The following EXOC1 variants were observed in gnomAD, a reference collection of about 807,000 sequenced individuals.
EXOC1 encodes the protein exocyst complex component 1.
In EXOC1, 67 loss-of-function variants were observed where a neutral mutation model predicts 107.7. That is an observed-to-expected ratio of 0.62 (90% confidence interval 0.51 to 0.76). The LOEUF (loss-of-function observed/expected upper bound fraction) is 0.76. EXOC1 is among the 30% of genes least tolerant of loss of function. The pLI, the probability that EXOC1 is intolerant of heterozygous loss-of-function variation, is 0.00. For synonymous variants in EXOC1, 348 were observed against 353.5 expected (o/e 0.98, Z 0.17); for missense variants, 833 against 1,055.7 (o/e 0.79, Z 2.92).
intron 9 of EXOC1, chr4:55,883,163 A>C (rs1328874954): frequency 6.6e-6 from 1 of 152,148 alleles, no homozygotes; most frequent in African/African-American, 2.4e-5. Context: ...GTTCTTATGG[A>C]AAATAACCTA....
At chr4:55,886,719 T>C (rs1723926273) in intron 10 of EXOC1, among the ~76,000 whole-genome samples, 1 of 152,240 alleles carries the variant, frequency 6.6e-6, no homozygotes, top group Non-Finnish European at 1.5e-5. Flanking sequence ...AAATTAATTT[T>C]GCTTTTTGCT....
rs986353673 is a variant in EXOC1, at chr4:55,888,674, A to G, written c.1331-214A>G. The G allele has an allele frequency of 9.4e-6, 5 of 533,248 alleles. No homozygotes were observed. In the African/African-American group the frequency reaches 9.6e-5, roughly 10 times the overall value. The allele number at this position is 533,248 out of a possible 1,614,324, so 33.0% of individuals were successfully genotyped here. A position where few individuals can be genotyped will look rare whatever the true frequency, so the allele number is the denominator to read the frequency against. On this transcript the variant is annotated intron_variant, in intron 10 of 18. Transcript: ENST00000381295. ...CTACCTGAATATTTGAGTAAAAACAATACATTAAAAGTAAAGTTTTTTCTC... is the reference window on the plus strand; with the variant it reads ...CTACCTGAATATTTGAGTAAAAACAGTACATTAAAAGTAAAGTTTTTTCTC...
rs551322686 is a variant in EXOC1 at position 55,858,565 on chromosome 4, A to T, written c.124+118A>T. 6.7e-5 allele frequency: 75 copies of T among 1,127,682 alleles called. 1 individual carries two copies. The highest frequency in any genetic ancestry group is 8.6e-5 in the Non-Finnish European group (72 of 835,794). 69.9% of individuals were successfully genotyped at this position (1,127,682 alleles called of 1,614,324 possible). ...TAATTGGAAAAATTGTTGGGTCAAC[A>T]CATTCCTAGTTAACACTTGGCTTTG... On this transcript the variant is annotated intron_variant, in intron 2 of 18. Coordinates refer to ENST00000381295, the MANE Select transcript of EXOC1 (RefSeq NM_001024924.2).
At chr4:55,904,287 A>T (rs1726367860) in intron 18 of EXOC1, 56 bp from the exon 19 acceptor site, 1 of 1,491,690 alleles carries the variant, frequency 6.7e-7, no homozygotes. Flanking sequence ...ATTTCTGCAT[A>T]CTAGATTACA....
intron 3 of EXOC1, among the ~76,000 whole-genome samples, chr4:55,860,931 GCCA>G (rs1721415195): frequency 1.3e-5 from 2 of 149,698 alleles, no homozygotes; most frequent in Admixed American, 6.6e-5. Context: ...GCCTTTTGAG[GCCA>G]CCATGGCTTT....
intron 18 of EXOC1, 122 bp downstream of exon 18, chr4:55,902,660 C>A: frequency 1.6e-6 from 1 of 642,600 alleles, no homozygotes. Context: ...GAGTACAGAC[C>A]AGATTAATGA....
intron 1 of EXOC1, among the ~76,000 whole-genome samples, chr4:55,855,835 T>G (rs993580021): frequency 6.6e-6 from 1 of 152,188 alleles, no homozygotes; most frequent in Non-Finnish European, 1.5e-5. Context: ...TAACATAGTG[T>G]CTGGGCCCTA....
Position 55,884,870 on chromosome 4 carries a change from G to T in EXOC1, c.1330+942G>T, listed in dbSNP as rs146393157. Among the ~76,000 whole-genome samples, 190 of 152,278 alleles carry T rather than the reference G, an allele frequency of 1.2e-3. 1 individual carries two copies. The highest frequency in any genetic ancestry group is 4.2e-3 in the African/African-American group (173 of 41,574). ...TAGGACAGAGAAGACTGTCATTAATGGGTAATTATTCTGTAACTCACTGTT... is the reference window on the plus strand; with the variant it reads ...TAGGACAGAGAAGACTGTCATTAATTGGTAATTATTCTGTAACTCACTGTT... On this transcript the variant is annotated intron_variant, in intron 10 of 18. Coordinates refer to ENST00000381295, the MANE Select transcript of EXOC1 (RefSeq NM_001024924.2).
intron 5 of EXOC1, 149 bp downstream of exon 5, chr4:55,868,672 T>G (rs1159951195): frequency 1.8e-6 from 1 of 556,114 alleles, no homozygotes; most frequent in East Asian, 3.2e-5. Flanking sequence ...GCCATCAGTC[T>G]TTTACTGTTC....
chr4:55,866,955 G>A (rs776908408), intron 4 of EXOC1: 4 of 917,896 alleles, frequency 4.4e-6, no homozygotes, highest in Admixed American at 6.2e-5. Flanking sequence ...GTTATATACC[G>A]TTGGTTGTAT....
Position 55,893,620 on chromosome 4 carries a change from T to C in EXOC1, c.1793T>C (p.Ile598Thr), listed in dbSNP as rs1258879061. The part of the protein sequence containing the change: ...RCIEPELNNL[I>T]ALGDKIDSFN... ...ATTGAGCCAGAGCTGAACAACCTAATTGCATTAGGAGACAAAATTGATAGC... is the reference window on the plus strand; with the variant it reads ...ATTGAGCCAGAGCTGAACAACCTAACTGCATTAGGAGACAAAATTGATAGC... The change falls in exon 15 of 19, where the codon ATT (isoleucine) becomes ACT (threonine). Residue 598 changes from isoleucine to threonine, a missense_variant. Ile to Thr is a moderately conservative substitution (Grantham distance 89). This residue lies in a region of EXOC1 where 216 missense variants were observed against 354.4 expected (regional missense o/e 0.61). Coordinates refer to ENST00000381295, the MANE Select transcript of EXOC1 (RefSeq NM_001024924.2). 3.1e-6 allele frequency: 5 copies of C among 1,613,924 alleles called. No homozygotes were observed. The Admixed American group carries it at 6.7e-5, about 22-fold the overall frequency.
rs1206876606 is a variant in EXOC1 at position 55,864,310 on chromosome 4, A to G, written c.339A>G (p.Ser113=). 3.1e-6 allele frequency: 5 copies of G among 1,611,182 alleles called. No homozygotes were observed. Among genetic ancestry groups the G allele is most frequent in the South Asian group, 2.2e-5 (2 of 90,114 alleles). The change falls in exon 4 of 19, where the codon TCA becomes TCG. Residue 113 remains serine (S), a synonymous_variant. Coordinates refer to ENST00000381295, the MANE Select transcript of EXOC1 (RefSeq NM_001024924.2). The part of the protein sequence containing the change: ...SSTAEKNAFI[S]CIWKLNQRYL... Reference sequence around the variant, plus strand: ...CTGCTGAAAAGAATGCATTTATTTCATGCATTTGGAAATTGAATCAGCGAT... The same window carrying G: ...CTGCTGAAAAGAATGCATTTATTTCGTGCATTTGGAAATTGAATCAGCGAT...
At chr4:55,898,266 TAATA>T (rs1292717708) in intron 16 of EXOC1, among the ~76,000 whole-genome samples, 2 of 152,106 alleles carry the variant, frequency 1.3e-5, no homozygotes, top group Non-Finnish European at 1.5e-5. Flanking sequence ...TAAAAATAAA[TAATA>T]AATGAATGAA....
chr4:55,888,821 G>T, intron 10 of EXOC1, 67 bp from the exon 11 acceptor site: 1 of 1,519,426 alleles, frequency 6.6e-7, no homozygotes, highest in Non-Finnish European at 9.1e-7. Flanking sequence ...TCTTGTGCAT[G>T]GTTTGTGCAA....
intron 9 of EXOC1, chr4:55,883,575 G>T: frequency 3.3e-6 from 1 of 302,442 alleles, no homozygotes; most frequent in South Asian, 5.1e-5. Flanking sequence ...ATATGCAAAA[G>T]GTAATATAGA....
At chr4:55,857,673 C>T (rs1198505647) in intron 1 of EXOC1, among the ~76,000 whole-genome samples, 3 of 152,092 alleles carry the variant, frequency 2.0e-5, no homozygotes, top group Non-Finnish European at 4.4e-5. Flanking sequence ...TAAGGTAGCC[C>T]ATGTTTCACT....
intron 10 of EXOC1, 21 bp from the exon 11 acceptor site, chr4:55,888,867 T>C: frequency 6.2e-7 from 1 of 1,613,404 alleles, no homozygotes; most frequent in African/African-American, 1.3e-5. Flanking sequence ...TCTTTGATGC[T>C]TGCAACCTAA....
chr4:55,882,380 T>C lies in EXOC1; in HGVS notation c.1225-1443T>C, dbSNP rs531604776. Among the ~76,000 whole-genome samples the C allele has an allele frequency of 2.6e-5, 4 of 152,306 alleles. No homozygotes were observed. In the South Asian group the frequency reaches 8.3e-4, roughly 32 times the overall value. Reference sequence around the variant, plus strand: ...GCATCATAGAGTTTTGGAGAGACACTGATACAGTAAAACCTTCCTGTGGTC... The same window carrying C: ...GCATCATAGAGTTTTGGAGAGACACCGATACAGTAAAACCTTCCTGTGGTC... On this transcript the variant is annotated intron_variant, in intron 9 of 18. Coordinates refer to ENST00000381295, the MANE Select transcript of EXOC1 (RefSeq NM_001024924.2).
chr4:55,893,709 C>G lies in EXOC1; in HGVS notation c.1882C>G (p.Pro628Ala), dbSNP rs753826603. Reference sequence around the variant, plus strand: ...TGTGTGGACTGCACAAAATGTGGACCCTGCTTCTTTCCTAAGTACTACATT... The same window carrying G: ...TGTGTGGACTGCACAAAATGTGGACGCTGCTTCTTTCCTAAGTACTACATT... Reference protein sequence around the residue: ...HHVWTAQNVDPASFLSTTLGN... With the variant: ...HHVWTAQNVDAASFLSTTLGN... Residue 628 changes from proline to alanine, a missense_variant, in exon 15 of 19, where the codon CCT becomes GCT. This residue lies in a region of EXOC1 where 216 missense variants were observed against 354.4 expected (regional missense o/e 0.61). Coordinates refer to ENST00000381295, the MANE Select transcript of EXOC1 (RefSeq NM_001024924.2). 1 of 1,614,040 alleles carries G rather than the reference C, an allele frequency of 6.2e-7. No individual in the cohort carries two copies. The highest frequency in any genetic ancestry group is 1.3e-5 in the African/African-American group (1 of 75,000).
Sources: gnomAD v4.1 joint callset for allele counts (sites outside exome capture counted in the v4.1 genomes callset) on GRCh38, gnomAD v4.1.1 for gene constraint, gnomAD v4.1.1 regional missense constraint, MANE v1.5 for transcripts, NCBI Gene and HGNC (gene_info 2026-07-23, HGNC 2026-07-21) for gene names.